The following HNRNPH3 variants were observed in gnomAD, a reference collection of about 807,000 sequenced individuals.
HNRNPH3 encodes heterogeneous nuclear ribonucleoprotein H3, also known as heterogeneous nuclear ribonucleoprotein 2H9.
A neutral mutation model predicts 47.0 loss-of-function variants in HNRNPH3; 7 were observed. The ratio of observed to expected loss-of-function variants is 0.15; its 90% CI spans 0.08 to 0.28. HNRNPH3 has a LOEUF of 0.28. Ranked by LOEUF, HNRNPH3 falls within the 10% of genes least tolerant of loss-of-function variation. The pLI, the probability that HNRNPH3 is intolerant of heterozygous loss-of-function variation, is 1.00. For synonymous variants in HNRNPH3, 120 were observed against 143.2 expected (o/e 0.84, Z 1.16); for missense variants, 279 against 449.6 (o/e 0.62, Z 3.43).
rs1467311284 is a variant in HNRNPH3, at chr10:68,343,129, T to A, written c.*1075T>A. 1 of 152,246 alleles carries A rather than the reference T, an allele frequency of 6.6e-6. No homozygotes were observed. The highest frequency in any genetic ancestry group is 3.2e-3 in the Middle Eastern group (1 of 316). 9.4% of individuals were successfully genotyped at this position (152,246 alleles called of 1,614,324 possible). A position where few individuals can be genotyped will look rare whatever the true frequency, so the allele number is the denominator to read the frequency against. On this transcript the variant is annotated 3_prime_UTR_variant, in exon 10 of 10. Transcript: ENST00000265866. The stretch of plus-strand genomic sequence containing the variant: ...ATGAAACCTGTTGATGTGAATTCAG[T>A]TATTGAACTTGTTACTTGTTTTTGC...
At chr10:68,331,704 T>C (rs1211185015), upstream of HNRNPH3, 1 of 152,200 alleles carries the variant, frequency 6.6e-6, no homozygotes, top group Non-Finnish European at 1.5e-5. Context: ...CAGAATTTGT[T>C]CACGGTGGGG....
Position 68,342,051 on chromosome 10 carries a change from C to T in HNRNPH3, c.1038C>T (p.Tyr346=), listed in dbSNP as rs768467903. The change falls in exon 10 of 10, where the codon TAC becomes TAT. Residue 346 remains tyrosine, a synonymous_variant. Coordinates refer to ENST00000265866, the MANE Select transcript of HNRNPH3 (RefSeq NM_012207.3). ...GMSGGGWRGM[Y] is the part of the protein sequence containing the mutation. ...GTGGAGGTGGATGGCGTGGGATGTA[C>T]TGAAAGCAAAAACACCAACATACAA... is the stretch of plus-strand genomic sequence containing the variant. 18 of 1,611,678 alleles carry T rather than the reference C, an allele frequency of 1.1e-5. No homozygotes were observed. Among genetic ancestry groups the T allele is most frequent in the Non-Finnish European group, 1.4e-5 (17 of 1,178,938 alleles).
intron 4 of HNRNPH3, 77 bp downstream of exon 4, chr10:68,338,764 TGGCAG>T: frequency 8.1e-7 from 1 of 1,230,592 alleles, no homozygotes; most frequent in Non-Finnish European, 1.1e-6. Context: ...AATACAGAAA[TGGCAG>T]TAATTTCAGT....
At chr10:68,331,804 A>G (rs1205170838), upstream of HNRNPH3, 3 of 152,362 alleles carry the variant, frequency 2.0e-5, no homozygotes, top group African/African-American at 7.2e-5. Context: ...CCGAGGCGGC[A>G]GAATGGTACG....
intron 1 of HNRNPH3, chr10:68,332,755 C>T (rs917460338): frequency 3.3e-5 from 5 of 152,298 alleles, no homozygotes; most frequent in African/African-American, 7.2e-5. Flanking sequence ...ACCGCGGCCT[C>T]CCTTCCTCCG....
intron 3 of HNRNPH3, chr10:68,338,199 C>A: frequency 4.2e-6 from 2 of 475,174 alleles, no homozygotes; most frequent in Non-Finnish European, 3.7e-6. Context: ...GTTTCCATTT[C>A]TCTGTAGGAT....
rs572280780 is a variant in HNRNPH3, at chr10:68,341,664, C to T, written c.855C>T (p.Tyr285=). 1.7e-5 allele frequency: 28 copies of T among 1,612,390 alleles called. No individual in the cohort carries two copies. The East Asian group carries it at 2.5e-4, about 14-fold the overall frequency. Reference sequence around the variant, plus strand: ...TGGGAGGTTCTGGAATGGGAGGCTACGGAAGAGATGGAATGGGTATGTAAA... The same window carrying T: ...TGGGAGGTTCTGGAATGGGAGGCTATGGAAGAGATGGAATGGGTATGTAAA... ...SGMGGSGMGG[Y]GRDGMDNQGG... is the part of the protein sequence containing the mutation. Residue 285 remains tyrosine, a synonymous_variant, in exon 8 of 10, where the codon TAC becomes TAT. Transcript: ENST00000265866.
At chr10:68,333,261 T>C (rs565346529) in intron 1 of HNRNPH3, among the ~76,000 whole-genome samples, 116 of 150,224 alleles carry the variant, frequency 7.7e-4, no homozygotes, top group African/African-American at 2.8e-3. Context: ...TGAACTATAA[T>C]TGTTGCTTTT....
rs759629583 is a variant in HNRNPH3, at chr10:68,339,542, A to G, written c.626A>G (p.Asn209Ser). 15 of 1,606,186 alleles carry G rather than the reference A, an allele frequency of 9.3e-6. No individual in the cohort carries two copies. The highest frequency in any genetic ancestry group is 1.7e-5 in the Admixed American group (1 of 59,996). Reference sequence around the variant, plus strand: ...GGGTTGCCTTTTCGTGCAACTGAAAATGACATTGCTAATGTGAGTAATTTT... The same window carrying G: ...GGGTTGCCTTTTCGTGCAACTGAAAGTGACATTGCTAATGTGAGTAATTTT... The part of the protein sequence containing the change: ...MRGLPFRATE[N>S]DIANFFSPLN... Residue 209 changes from asparagine (N) to serine (S), a missense_variant, in exon 6 of 10, where the codon AAT becomes AGT. Around this residue, in one of 2 missense-constraint regions of HNRNPH3, gnomAD observed 239 missense variants for 335.8 expected, o/e 0.71. Transcript: ENST00000265866.
At chr10:68,341,081 GTTTGT>G (rs2045900966) in intron 6 of HNRNPH3, 88 bp from the exon 7 acceptor site, 2 of 862,132 alleles carry the variant, frequency 2.3e-6, no homozygotes, top group East Asian at 2.6e-5. Flanking sequence ...CAGTGGAAGG[GTTTGT>G]TTTAATTGAT....
chr10:68,335,559 C>T (rs183700608), intron 1 of HNRNPH3, among the ~76,000 whole-genome samples: 28 of 152,058 alleles, frequency 1.8e-4, no homozygotes, highest in Admixed American at 8.5e-4. Context: ...AAAGCCTTTG[C>T]TGGCTTTGGG....
chr10:68,337,677 A>G lies in HNRNPH3; in HGVS notation c.113-181A>G, dbSNP rs914515223. On this transcript the variant is annotated intron_variant, in intron 2 of 9. Transcript: ENST00000265866. The surrounding 1 kb of genome is among the most constrained non-coding windows in gnomAD (Gnocchi z 4.5). ...AGTGTTTTTACACTGGTCGCAAAAA[A>G]TTTATTTAATCCAGTAATATTTGAA... 16 of 570,820 alleles carry G rather than the reference A, an allele frequency of 2.8e-5. No individual in the cohort carries two copies. The highest frequency in any genetic ancestry group is 1.5e-4 in the African/African-American group (8 of 53,442). 35.4% of individuals were successfully genotyped at this position (570,820 alleles called of 1,614,324 possible).
chr10:68,341,884 G>A lies in HNRNPH3; in HGVS notation c.964+33G>A, dbSNP rs755316899. On this transcript the variant is annotated intron_variant, in intron 9 of 9. Coordinates refer to ENST00000265866, the MANE Select transcript of HNRNPH3 (RefSeq NM_012207.3). ...TCTCTAGTTCAGTTTGTGTTAGTCC[G>A]CATATGTAGTGCAAACTTTAAAGTG... 95 of 1,589,768 alleles carry A rather than the reference G, an allele frequency of 6.0e-5. No homozygotes were observed. In the Middle Eastern group the frequency reaches 6.6e-4, roughly 11 times the overall value.
rs548741674 is a variant in HNRNPH3 at position 68,340,809 on chromosome 10, CT to C, written c.640-354del. ...GTATTTCTCTCTGTGTGTTTGTGTG[CT>C]TTTTTTTTTTGACAGTCTCCCACTC... On this transcript the variant is annotated intron_variant, in intron 6 of 9. Coordinates refer to ENST00000265866, the MANE Select transcript of HNRNPH3 (RefSeq NM_012207.3). Among the ~76,000 whole-genome samples, 195 of 57,020 alleles carry C rather than the reference CT, an allele frequency of 3.4e-3. No homozygotes were observed. The East Asian group carries it at 0.052, about 15-fold the overall frequency. 37.4% of individuals were successfully genotyped at this position (57,020 alleles called of 152,430 possible).
intron 6 of HNRNPH3, among the ~76,000 whole-genome samples, chr10:68,340,823 C>CCG (rs1554866778): frequency 6.6e-6 from 1 of 151,550 alleles, no homozygotes; most frequent in Non-Finnish European, 1.5e-5. Context: ...TTTTTTTTGA[C>CCG]AGTCTCCCAC....
intron 5 of HNRNPH3, 63 bp downstream of exon 5, chr10:68,339,289 C>T (rs1342704545): frequency 3.8e-5 from 60 of 1,583,574 alleles, no homozygotes; most frequent in African/African-American, 5.4e-5. Flanking sequence ...TTTGCAAGCT[C>T]TTAGTGGTAA....
chr10:68,333,993 C>A (rs532017952), intron 1 of HNRNPH3, among the ~76,000 whole-genome samples: 1 of 152,242 alleles, frequency 6.6e-6, no homozygotes, highest in African/African-American at 2.4e-5. Context: ...TTTTTCTGTC[C>A]TCTTTTCATT....
At chr10:68,336,968 ATAT>A (rs1260502161) in intron 1 of HNRNPH3, 1 of 384,494 alleles carries the variant, frequency 2.6e-6, no homozygotes, top group African/African-American at 2.1e-5. Context: ...GCAATATATA[ATAT>A]TGATACTACG....
At position 68,342,213 on chromosome 10, in the gene HNRNPH3, GT is replaced by G; in HGVS notation, c.*163del. On this transcript the variant is annotated 3_prime_UTR_variant, in exon 10 of 10. Transcript: ENST00000265866. ...AAGCAACAGATTGTGATGGGAAAAT[GT>G]TTTCTGTAGGTTTATTTGTTGCATA... 2 of 540,754 alleles carry G rather than the reference GT, an allele frequency of 3.7e-6. No individual in the cohort carries two copies. The highest frequency in any genetic ancestry group is 6.4e-5 in the South Asian group (2 of 31,108). The allele number at this position is 540,754 out of a possible 1,614,324, so 33.5% of individuals were successfully genotyped here.
Sources: gnomAD v4.1 joint callset for allele counts (sites outside exome capture counted in the v4.1 genomes callset) on GRCh38, gnomAD v4.1.1 for gene constraint, gnomAD v4.1.1 regional missense constraint, Gnocchi (gnomAD v3.1) non-coding constraint, MANE v1.5 for transcripts, NCBI Gene and HGNC (gene_info 2026-07-23, HGNC 2026-07-21) for gene names.